Variants in DAB1 observed in about 807,000 individuals in gnomAD.
DAB1 encodes the protein DAB adaptor protein 1, also known as disabled homolog 1.
DAB1 carries 15 observed loss-of-function variants against 64.6 expected under a neutral mutation model. The ratio of observed to expected loss-of-function variants is 0.23; its 90% CI spans 0.16 to 0.36. The LOEUF is 0.36. Ranked by LOEUF, DAB1 falls within the 10% of genes least tolerant of loss-of-function variation. The pLI is 1.00. For synonymous variants in DAB1, 235 were observed against 251.9 expected (o/e 0.93, Z 0.64); for missense variants, 596 against 706.7 (o/e 0.84, Z 1.78).
At chr1:58,313,070 A>G (rs371185392) in intron 4 of DAB1, among the ~76,000 whole-genome samples, 1 of 152,118 alleles carries the variant, frequency 6.6e-6, no homozygotes, top group Non-Finnish European at 1.5e-5. Flanking sequence ...CCTCCAAGTC[A>G]TGACTCCAGT....
intron 3 of DAB1, among the ~76,000 whole-genome samples, chr1:58,425,308 T>C (rs1475458693): frequency 1.3e-5 from 2 of 152,174 alleles, no homozygotes; most frequent in Non-Finnish European, 2.9e-5. Flanking sequence ...GGAGCCAACA[T>C]GAAAGACAAG....
chr1:58,185,656 T>C (rs1429702973), intron 4 of DAB1, among the ~76,000 whole-genome samples: 1 of 152,178 alleles, frequency 6.6e-6, no homozygotes, highest in Admixed American at 6.5e-5. Flanking sequence ...GGAACTTCAG[T>C]AGTCTCCTGG....
intron 5 of DAB1, among the ~76,000 whole-genome samples, chr1:58,030,219 T>C (rs1646951390): frequency 1.3e-5 from 2 of 151,754 alleles, no homozygotes; most frequent in Admixed American, 1.3e-4. Flanking sequence ...AAAAAATAAA[T>C]AAATAAAAGT....
intron 3 of DAB1, among the ~76,000 whole-genome samples, chr1:58,489,105 C>T (rs563122436): frequency 4.6e-5 from 7 of 152,258 alleles, no homozygotes; most frequent in South Asian, 2.1e-4. Context: ...GCAGGACAGT[C>T]GGTGCAGCGC....
In DAB1 at chr1:58,063,616, G is replaced by C. The variant is rs186463097; in HGVS notation, n.387+86895C>G. Among the ~76,000 whole-genome samples, 137 of 152,288 alleles carry C rather than the reference G, an allele frequency of 9.0e-4. 1 individual carries two copies. The highest frequency in any genetic ancestry group is 3.1e-3 in the African/African-American group (129 of 41,564). ...CTAGAGATCTTGGCCAAGCAACTGG[G>C]TGTCTCAGAGCCCTGAGTTTTTATC... On this transcript the variant is annotated intron_variant and non_coding_transcript_variant, in intron 5 of 20. Coordinates refer to the DAB1 transcript ENST00000485760.
chr1:58,063,286 G>A (rs1358393619), intron 5 of DAB1, among the ~76,000 whole-genome samples: 5 of 152,148 alleles, frequency 3.3e-5, no homozygotes, highest in African/African-American at 1.2e-4. Flanking sequence ...CTGAAGAGGG[G>A]TGTGAGTCAT....
chr1:57,622,230 TCTTA>T (rs1645868601), intron 7 of DAB1, among the ~76,000 whole-genome samples: 1 of 152,130 alleles, frequency 6.6e-6, no homozygotes, highest in Non-Finnish European at 1.5e-5. Context: ...GAGGAGAGAC[TCTTA>T]CTTCGGGTTT....
At chr1:57,115,274 C>G (rs1656008845) in intron 4 of DAB1, among the ~76,000 whole-genome samples, 1 of 152,200 alleles carries the variant, frequency 6.6e-6, no homozygotes, top group African/African-American at 2.4e-5. Context: ...AGTTACCTAT[C>G]ACCACCAAGC....
chr1:57,807,037 C>T (rs574818757), intron 6 of DAB1, among the ~76,000 whole-genome samples: 1 of 152,276 alleles, frequency 6.6e-6, no homozygotes, highest in South Asian at 2.1e-4. Context: ...TGTGTGCTCT[C>T]CCCGACTGGC....
chr1:58,262,652 T>C (rs1661072852), intron 4 of DAB1, among the ~76,000 whole-genome samples: 1 of 152,190 alleles, frequency 6.6e-6, no homozygotes, highest in Non-Finnish European at 1.5e-5. Flanking sequence ...CTGAGTATAA[T>C]AAATAACATC....
intron 5 of DAB1, among the ~76,000 whole-genome samples, chr1:58,078,842 T>C (rs1174930928): frequency 6.6e-6 from 1 of 152,172 alleles, no homozygotes; most frequent in Non-Finnish European, 1.5e-5. Flanking sequence ...GTTCCTTTCA[T>C]CATATCTGTT....
chr1:58,186,845 T>C (rs1438266802), intron 4 of DAB1, among the ~76,000 whole-genome samples: 1 of 152,220 alleles, frequency 6.6e-6, no homozygotes, highest in Non-Finnish European at 1.5e-5. Flanking sequence ...GGACCAAGTT[T>C]GCTTTCATGA....
intron 4 of DAB1, among the ~76,000 whole-genome samples, chr1:58,342,861 T>C (rs192314331): frequency 9.8e-5 from 15 of 152,298 alleles, no homozygotes; most frequent in Admixed American, 3.3e-4. Flanking sequence ...AACTCTCTCT[T>C]AAATGATCTT....
At chr1:57,433,847 T>A in intron 7 of DAB1, among the ~76,000 whole-genome samples, 1 of 137,672 alleles carries the variant, frequency 7.3e-6, no homozygotes. Context: ...CTTTGACAGC[T>A]CACCAAAAAA....
At chr1:57,589,176 T>C (rs932779885) in intron 7 of DAB1, among the ~76,000 whole-genome samples, 1 of 152,020 alleles carries the variant, frequency 6.6e-6, no homozygotes, top group African/African-American at 2.4e-5. Flanking sequence ...GCCGAGATCA[T>C]GCCATTGCAC....
At chr1:57,904,852 G>A (rs1470140743) in intron 5 of DAB1, among the ~76,000 whole-genome samples, 2 of 152,260 alleles carry the variant, frequency 1.3e-5, no homozygotes, top group East Asian at 1.9e-4. Flanking sequence ...TTTAGCCATC[G>A]TAATCTGTTA....
chr1:58,149,150 T>C (rs1264962856), intron 5 of DAB1, among the ~76,000 whole-genome samples: 1 of 152,232 alleles, frequency 6.6e-6, no homozygotes, highest in Non-Finnish European at 1.5e-5. Context: ...AAGTTTCTTG[T>C]CTACTTATTA....
At chr1:58,150,104 A>T (rs754342081) in intron 5 of DAB1, among the ~76,000 whole-genome samples, 3 of 152,220 alleles carry the variant, frequency 2.0e-5, no homozygotes, top group Non-Finnish European at 2.9e-5. Context: ...CTGCAAAATA[A>T]GTGTTAGTAT....
At chr1:58,110,932 A>G (rs912622009) in intron 5 of DAB1, among the ~76,000 whole-genome samples, 1 of 152,186 alleles carries the variant, frequency 6.6e-6, no homozygotes, top group African/African-American at 2.4e-5. Context: ...CACAGTGTGC[A>G]GTTTTTACAA....
Sources: gnomAD v4.1 joint callset for allele counts (sites outside exome capture counted in the v4.1 genomes callset) on GRCh38, gnomAD v4.1.1 for gene constraint, MANE v1.5 for transcripts, NCBI Gene and HGNC (gene_info 2026-07-23, HGNC 2026-07-21) for gene names.